THEMIS2: variants seen among roughly 807,000 people sequenced by gnomAD.
The protein encoded by THEMIS2 is thymocyte selection associated family member 2, also known as protein THEMIS2.
Under a neutral mutation model 46.8 loss-of-function variants are expected in THEMIS2, and 29 were observed. The ratio of observed to expected loss-of-function variants is 0.62; its 90% CI spans 0.46 to 0.84. The LOEUF is 0.84. THEMIS2 is among the 40% of genes least tolerant of loss of function. The pLI is 0.00. For synonymous variants in THEMIS2, 335 were observed against 349.1 expected (o/e 0.96, Z 0.45); for missense variants, 698 against 834.7 (o/e 0.84, Z 2.02).
rs938554585 is a variant in THEMIS2 at position 27,882,015 on chromosome 1, G to A, written c.691G>A (p.Val231Met). The A allele has an allele frequency of 5.0e-6, 8 of 1,614,120 alleles. No homozygotes were observed. The highest frequency in any genetic ancestry group is 1.7e-5 in the Admixed American group (1 of 60,022). Residue 231 changes from valine (V) to methionine (M), a missense_variant, in exon 4 of 6, where the codon GTG becomes ATG. Transcript: ENST00000373921. This position sits in a 1 kb window ranked among gnomAD's most constrained non-coding sequence, Gnocchi z 7.6. ...VKIPSTLEVD[V>M]EDVTASSRHV... ...GATCCCTTCTACCCTGGAGGTCGAC[G>A]TGGAGGACGTCACCGCCTCCTCCCG... is the stretch of plus-strand genomic sequence containing the variant.
In THEMIS2 at chr1:27,882,674, A is replaced by G. The variant is rs758033608; in HGVS notation, c.1350A>G (p.Ser450=). 3.7e-5 allele frequency: 59 copies of G among 1,613,844 alleles called. No individual in the cohort carries two copies. The highest frequency in any genetic ancestry group is 5.0e-5 in the Non-Finnish European group (59 of 1,180,002). Residue 450 remains serine (S), a synonymous_variant, in exon 4 of 6, where the codon TCA becomes TCG. Transcript: ENST00000373921. The surrounding 1 kb of genome is among the most constrained non-coding windows in gnomAD (Gnocchi z 7.6). The part of the protein sequence containing the change: ...YSLADLTAQF[S]LPCEVKVVAK... Reference sequence around the variant, plus strand: ...TGGCAGATCTGACTGCCCAGTTTTCACTGCCTTGTGAGGTCAAGGTGGTGG... The same window carrying G: ...TGGCAGATCTGACTGCCCAGTTTTCGCTGCCTTGTGAGGTCAAGGTGGTGG...
intron 2 of THEMIS2, among the ~76,000 whole-genome samples, chr1:27,878,874 C>T (rs898927169): frequency 5.3e-5 from 8 of 152,166 alleles, no homozygotes; most frequent in African/African-American, 1.9e-4. Context: ...ACATCATATT[C>T]AGTTGTCCTG....
At chr1:27,880,922 C>A (rs764853737) in intron 3 of THEMIS2, among the ~76,000 whole-genome samples, 1 of 151,740 alleles carries the variant, frequency 6.6e-6, no homozygotes, top group Non-Finnish European at 1.5e-5. Context: ...GGATTATAGG[C>A]GCCCGCCACC....
chr1:27,882,217 C>T lies in THEMIS2; in HGVS notation c.893C>T (p.Pro298Leu). The change falls in exon 4 of 6, where the codon CCC (proline) becomes CTC (leucine). Residue 298 changes from proline to leucine, a missense_variant. Coordinates refer to ENST00000373921, the MANE Select transcript of THEMIS2 (RefSeq NM_001105556.3). This position sits in a 1 kb window ranked among gnomAD's most constrained non-coding sequence, Gnocchi z 7.6. ...TGCGTCTATGGCCTAGCCTCACCAC[C>T]CTGGCGGGTCCTGGCCTCAAGCAAG... ...RLCVYGLASP[P>L]WRVLASSKGR... The T allele has an allele frequency of 6.2e-7, 1 of 1,608,960 alleles. No individual in the cohort carries two copies. Among genetic ancestry groups the T allele is most frequent in the East Asian group, 2.2e-5 (1 of 44,724 alleles).
chr1:27,872,740 C>A lies in THEMIS2; in HGVS notation c.94+75C>A. 8.5e-7 allele frequency: 1 copy of A among 1,180,624 alleles called. No individual in the cohort carries two copies. Among genetic ancestry groups the A allele is most frequent in the Non-Finnish European group, 1.1e-6 (1 of 929,492 alleles). The allele number at this position is 1,180,624 out of a possible 1,614,324, so 73.1% of individuals were successfully genotyped here. A position where few individuals can be genotyped will look rare whatever the true frequency, so the allele number is the denominator to read the frequency against. On this transcript the variant is annotated intron_variant, in intron 1 of 5. Coordinates refer to ENST00000373921, the MANE Select transcript of THEMIS2 (RefSeq NM_001105556.3). The surrounding 1 kb of genome is among the most constrained non-coding windows in gnomAD (Gnocchi z 4.9). The stretch of plus-strand genomic sequence containing the variant: ...GGCAGAGACCCGGAGAAGACGTTAG[C>A]AATCCGGGGAAACTGCCCCTGGGTT...
Position 27,882,187 on chromosome 1 carries a change from G to A in THEMIS2, c.863G>A (p.Arg288Lys). The A allele has an allele frequency of 1.2e-6, 2 of 1,613,940 alleles. No homozygotes were observed. Among genetic ancestry groups the A allele is most frequent in the East Asian group, 2.2e-5 (1 of 44,886 alleles). The change falls in exon 4 of 6, where the codon AGG becomes AAG. Residue 288 changes from arginine to lysine, a missense_variant. Coordinates refer to ENST00000373921, the MANE Select transcript of THEMIS2 (RefSeq NM_001105556.3). The surrounding 1 kb of genome is among the most constrained non-coding windows in gnomAD (Gnocchi z 7.6). Reference sequence around the variant, plus strand: ...GTGGGCTCCTTGCAAAAAGGCCAGAGGCTTTGCGTCTATGGCCTAGCCTCA... The same window carrying A: ...GTGGGCTCCTTGCAAAAAGGCCAGAAGCTTTGCGTCTATGGCCTAGCCTCA... ...PWVGSLQKGQRLCVYGLASPP... is the reference protein window; with the variant it reads ...PWVGSLQKGQKLCVYGLASPP...
rs745568005 is a variant in THEMIS2 at position 27,882,388 on chromosome 1, G to A, written c.1064G>A (p.Cys355Tyr). Reference sequence around the variant, plus strand: ...CTCCGGGTGGTGGCCACAAAGGACTGTGAGGGCGAGAGGGAGGAGAATCCC... The same window carrying A: ...CTCCGGGTGGTGGCCACAAAGGACTATGAGGGCGAGAGGGAGGAGAATCCC... ...RPLRVVATKD[C>Y]EGEREENPEF... The change falls in exon 4 of 6, where the codon TGT (cysteine) becomes TAT (tyrosine). Residue 355 changes from cysteine (C) to tyrosine (Y), a missense_variant. Transcript: ENST00000373921. This position sits in a 1 kb window ranked among gnomAD's most constrained non-coding sequence, Gnocchi z 7.6. 3 of 1,604,248 alleles carry A rather than the reference G, an allele frequency of 1.9e-6. No homozygotes were observed. The highest frequency in any genetic ancestry group is 1.7e-5 in the Admixed American group (1 of 59,398).
At chr1:27,880,521 C>T (rs550395766) in intron 3 of THEMIS2, among the ~76,000 whole-genome samples, 2 of 152,232 alleles carry the variant, frequency 1.3e-5, no homozygotes, top group South Asian at 2.1e-4. Context: ...ATCTCGGCTA[C>T]GCCAGGTGCA....
In THEMIS2 at chr1:27,879,922, C is replaced by T. The variant is rs1365565806; in HGVS notation, c.514C>T (p.Pro172Ser). The T allele has an allele frequency of 1.2e-6, 2 of 1,611,042 alleles. No homozygotes were observed. Among genetic ancestry groups the T allele is most frequent in the Admixed American group, 1.7e-5 (1 of 59,524 alleles). Residue 172 changes from proline (P) to serine (S), a missense_variant, in exon 3 of 6, where the codon CCT becomes TCT. Physicochemically the swap from Pro to Ser is moderately conservative, Grantham distance 74. Coordinates refer to ENST00000373921, the MANE Select transcript of THEMIS2 (RefSeq NM_001105556.3). The stretch of plus-strand genomic sequence containing the variant: ...GAAGGGGCCCTTCTGGACATGGGAG[C>T]CTAGTGCCCCTCGAACTCTGCTCCA... The part of the protein sequence containing the change: ...SQKGPFWTWE[P>S]SAPRTLLQVL...
At position 27,872,742 on chromosome 1, in the gene THEMIS2, A is replaced by G. The variant is rs61787158; in HGVS notation, c.94+77A>G. On this transcript the variant is annotated intron_variant, in intron 1 of 5. Transcript: ENST00000373921. This position sits in a 1 kb window ranked among gnomAD's most constrained non-coding sequence, Gnocchi z 4.9. ...CAGAGACCCGGAGAAGACGTTAGCA[A>G]TCCGGGGAAACTGCCCCTGGGTTCA... is the stretch of plus-strand genomic sequence containing the variant. 114,617 of 1,169,832 alleles carry G rather than the reference A, an allele frequency of 0.098. 6,005 individuals carry two copies. Among genetic ancestry groups the G allele is most frequent in the African/African-American group, 0.16 (9,986 of 62,854 alleles). The allele number at this position is 1,169,832 out of a possible 1,614,324, so 72.5% of individuals were successfully genotyped here. A position where few individuals can be genotyped will look rare whatever the true frequency, so the allele number is the denominator to read the frequency against.
Position 27,882,018 on chromosome 1 carries a change from G to A in THEMIS2, c.694G>A (p.Glu232Lys), listed in dbSNP as rs756370294. The A allele has an allele frequency of 1.1e-5, 17 of 1,614,014 alleles. No individual in the cohort carries two copies. The highest frequency in any genetic ancestry group is 8.0e-5 in the African/African-American group (6 of 74,928). ...CCCTTCTACCCTGGAGGTCGACGTG[G>A]AGGACGTCACCGCCTCCTCCCGGCA... ...KIPSTLEVDV[E>K]DVTASSRHVH... The change falls in exon 4 of 6, where the codon GAG becomes AAG. Residue 232 changes from glutamate (E) to lysine (K), a missense_variant. Physicochemically the swap from Glu to Lys is moderately conservative, Grantham distance 56. Transcript: ENST00000373921. The surrounding 1 kb of genome is among the most constrained non-coding windows in gnomAD (Gnocchi z 7.6).
intron 2 of THEMIS2, 130 bp downstream of exon 2, chr1:27,876,858 C>A: frequency 8.8e-7 from 1 of 1,142,622 alleles, no homozygotes; most frequent in African/African-American, 1.6e-5. Context: ...CCCTCACATT[C>A]ACCACAACCC....
At chr1:27,881,888 C>G in intron 3 of THEMIS2, 83 bp from the exon 4 acceptor site, 1 of 1,150,392 alleles carries the variant, frequency 8.7e-7, no homozygotes, top group Non-Finnish European at 1.2e-6. Context: ...GGGAGGCCAG[C>G]CGGCCCAGCC....
chr1:27,882,325 C>A lies in THEMIS2; in HGVS notation c.1001C>A (p.Ala334Asp). Residue 334 changes from alanine to aspartate, a missense_variant, in exon 4 of 6, where the codon GCC becomes GAC. By Grantham distance (126) the Ala-to-Asp change is moderately radical. Transcript: ENST00000373921. This position sits in a 1 kb window ranked among gnomAD's most constrained non-coding sequence, Gnocchi z 7.6. ...LRRRPREFPTAYDLLGAFQPG... is the reference protein window; with the variant it reads ...LRRRPREFPTDYDLLGAFQPG... ...CGGCGGCCAAGGGAGTTCCCCACGG[C>A]CTATGACCTCCTAGGTGCTTTCCAG... 1 of 1,588,696 alleles carries A rather than the reference C, an allele frequency of 6.3e-7. No homozygotes were observed. Among genetic ancestry groups the A allele is most frequent in the Non-Finnish European group, 8.6e-7 (1 of 1,165,928 alleles).
At chr1:27,885,549 C>T in intron 5 of THEMIS2, 98 bp downstream of exon 5, 1 of 1,428,324 alleles carries the variant, frequency 7.0e-7, no homozygotes, top group Non-Finnish European at 9.3e-7. Flanking sequence ...GGGACAGACC[C>T]TTCTATGGTC....
At chr1:27,874,598 A>T (rs1244049701) in intron 1 of THEMIS2, among the ~76,000 whole-genome samples, 1 of 151,974 alleles carries the variant, frequency 6.6e-6, no homozygotes, top group East Asian at 1.9e-4. Context: ...CCTGGGTAAC[A>T]TACTGAGACC....
Position 27,872,612 on chromosome 1 carries a change from AC to A in THEMIS2, c.45del (p.Ala16ProfsTer34). On this transcript the variant is annotated frameshift_variant, in exon 1 of 6. Transcript: ENST00000373921. LOFTEE classifies it high-confidence loss of function. The surrounding 1 kb of genome is among the most constrained non-coding windows in gnomAD (Gnocchi z 4.9). ...VPLQDFVRAL[D>X]PASLPRVLRV... ...CTGCAGGACTTCGTGCGCGCCTTGG[AC>A]CCCGCCTCCCTCCCGCGCGTGCTGC... 6.8e-7 allele frequency: 1 copy of A among 1,477,904 alleles called. No individual in the cohort carries two copies. Among genetic ancestry groups the A allele is most frequent in the Non-Finnish European group, 9.0e-7 (1 of 1,115,692 alleles). 91.5% of individuals were successfully genotyped at this position (1,477,904 alleles called of 1,614,324 possible).
At position 27,882,082 on chromosome 1, in the gene THEMIS2, T is replaced by C; in HGVS notation, c.758T>C (p.Leu253Pro). The change falls in exon 4 of 6, where the codon CTG becomes CCG. Residue 253 changes from leucine to proline, a missense_variant. Coordinates refer to ENST00000373921, the MANE Select transcript of THEMIS2 (RefSeq NM_001105556.3). The surrounding 1 kb of genome is among the most constrained non-coding windows in gnomAD (Gnocchi z 7.6). ...FIKPLLLSEV[L>P]AWEGPFPLSM... ...AAACCGCTGCTGCTGAGCGAGGTCC[T>C]GGCCTGGGAAGGCCCTTTCCCCCTG... The C allele has an allele frequency of 6.2e-7, 1 of 1,614,238 alleles. No homozygotes were observed. The highest frequency in any genetic ancestry group is 8.5e-7 in the Non-Finnish European group (1 of 1,180,036).
intron 3 of THEMIS2, among the ~76,000 whole-genome samples, chr1:27,881,720 C>T (rs1362605580): frequency 3.3e-5 from 5 of 151,120 alleles, no homozygotes; most frequent in African/African-American, 9.7e-5. Context: ...CCCAGCTACT[C>T]GGGAGGCTGA....
Sources: gnomAD v4.1 joint callset for allele counts (sites outside exome capture counted in the v4.1 genomes callset) on GRCh38, gnomAD v4.1.1 for gene constraint, Gnocchi (gnomAD v3.1) non-coding constraint, MANE v1.5 for transcripts, NCBI Gene and HGNC (gene_info 2026-07-23, HGNC 2026-07-21) for gene names.